The following CASP8 variants were observed in gnomAD, a reference collection of about 807,000 sequenced individuals.
CASP8 encodes caspase 8, also known as caspase-8.
Under a neutral mutation model 46.3 loss-of-function variants are expected in CASP8, and 24 were observed. The ratio of observed to expected loss-of-function variants is 0.52; its 90% CI spans 0.38 to 0.73. The LOEUF (loss-of-function observed/expected upper bound fraction) is 0.73, where lower values mean the gene tolerates loss of function less well. CASP8 is among the 30% of genes least tolerant of loss of function. The pLI is 0.00. For synonymous variants in CASP8, 188 were observed against 200.4 expected (o/e 0.94, Z 0.52); for missense variants, 460 against 559.0 (o/e 0.82, Z 1.79).
intron 2 of CASP8, among the ~76,000 whole-genome samples, chr2:201,239,366 TCCCAGACGGGGCGG>T (rs1233100185): frequency 2.0e-5 from 3 of 152,008 alleles, no homozygotes; most frequent in Non-Finnish European, 4.4e-5. Flanking sequence ...GCCCCTCATC[TCCCAGACGGGGCGG>T]CTGGCCGGGC....
chr2:201,277,554 A>G (rs746728580), intron 7 of CASP8, among the ~76,000 whole-genome samples: 1 of 152,262 alleles, frequency 6.6e-6, no homozygotes, highest in Non-Finnish European at 1.5e-5. Flanking sequence ...TGAGAGATTA[A>G]TAATTTTGAT....
chr2:201,254,444 G>A (rs1946926942), intron 2 of CASP8, among the ~76,000 whole-genome samples: 1 of 152,244 alleles, frequency 6.6e-6, no homozygotes, highest in South Asian at 2.1e-4. Flanking sequence ...CCACGCTCTG[G>A]AGGAGGAGTC....
At chr2:201,253,751 A>T (rs1946891004) in intron 2 of CASP8, among the ~76,000 whole-genome samples, 2 of 152,118 alleles carry the variant, frequency 1.3e-5, no homozygotes, top group Non-Finnish European at 2.9e-5. Context: ...TGCCTCAAGA[A>T]TATTGGGGAT....
At chr2:201,235,239 T>C (rs1213067419) in intron 2 of CASP8, among the ~76,000 whole-genome samples, 2 of 152,164 alleles carry the variant, frequency 1.3e-5, no homozygotes, top group South Asian at 2.1e-4. Flanking sequence ...ATGATATCAG[T>C]TGGTACATCT....
chr2:201,245,335 G>C (rs1267352305), intron 2 of CASP8, among the ~76,000 whole-genome samples: 1 of 151,908 alleles, frequency 6.6e-6, no homozygotes, highest in African/African-American at 2.4e-5. Flanking sequence ...CCATCTCCCA[G>C]GTTCAAGTGA....
chr2:201,256,726 A>G (rs577245415), upstream of CASP8, among the ~76,000 whole-genome samples: 247 of 152,370 alleles, frequency 1.6e-3, 1 homozygote, highest in African/African-American at 5.4e-3. Context: ...ACCCTGAATT[A>G]GAGAATTCTG....
chr2:201,278,569 C>A (rs1948797356), intron 7 of CASP8, among the ~76,000 whole-genome samples: 2 of 150,790 alleles, frequency 1.3e-5, no homozygotes, highest in Admixed American at 1.3e-4. Context: ...CAGAGTCTCA[C>A]TCTGTTGCCC....
chr2:201,256,911 C>T (rs951313041), upstream of CASP8, among the ~76,000 whole-genome samples: 36 of 152,130 alleles, frequency 2.4e-4, no homozygotes, highest in African/African-American at 6.3e-4. Context: ...TCTGCCAGGC[C>T]GAGGCGGGTG....
At chr2:201,239,268 C>G (rs56068444) in intron 2 of CASP8, among the ~76,000 whole-genome samples, 4 of 152,294 alleles carry the variant, frequency 2.6e-5, no homozygotes, top group African/African-American at 9.6e-5. Context: ...GGCCCGTTCT[C>G]AATGAGCTGC....
chr2:201,262,821 T>C (rs1200879852), intron 1 of CASP8, among the ~76,000 whole-genome samples: 1 of 152,150 alleles, frequency 6.6e-6, no homozygotes, highest in East Asian at 1.9e-4. Flanking sequence ...GGATGGCCCG[T>C]TGTTAATGGT....
At chr2:201,248,915 A>G (rs370333578) in intron 2 of CASP8, among the ~76,000 whole-genome samples, 16 of 151,922 alleles carry the variant, frequency 1.1e-4, no homozygotes, top group African/African-American at 3.6e-4. Flanking sequence ...CTTTTTTGAG[A>G]GAGTCTTACT....
At chr2:201,282,698 C>T (rs1576373605) in intron 7 of CASP8, among the ~76,000 whole-genome samples, 1 of 84,970 alleles carries the variant, frequency 1.2e-5, no homozygotes, top group Non-Finnish European at 2.9e-5. Flanking sequence ...GGGGGCTGTT[C>T]CCCCCACCTC....
At chr2:201,269,054 T>C (rs893328508) in intron 2 of CASP8, among the ~76,000 whole-genome samples, 3 of 151,698 alleles carry the variant, frequency 2.0e-5, no homozygotes, top group Non-Finnish European at 2.9e-5. Context: ...TCCTCCCACC[T>C]CAGCCTCCCA....
chr2:201,281,948 T>C, intron 7 of CASP8: 2 of 598,610 alleles, frequency 3.3e-6, no homozygotes, highest in Non-Finnish European at 4.6e-6. Context: ...TTTTTTTTTT[T>C]TTTTTTTATT....
In CASP8 at chr2:201,282,753, C is replaced by A. The variant is rs1158875545; in HGVS notation, c.803-2063C>A. Among the ~76,000 whole-genome samples, 2 of 84,840 alleles carry A rather than the reference C, an allele frequency of 2.4e-5. 1 individual carries two copies. Among genetic ancestry groups the A allele is most frequent in the East Asian group, 7.4e-4 (2 of 2,688 alleles). The allele number at this position is 84,840 out of a possible 152,430, so 55.7% of individuals were successfully genotyped here. A position where few individuals can be genotyped will look rare whatever the true frequency, so the allele number is the denominator to read the frequency against. ...GGCCGGGCAGAGGGGTCCTCACTTC[C>A]CAGTAGGGGCGGCCCGGCAGAGGCG... On this transcript the variant is annotated intron_variant, in intron 7 of 8. Transcript: ENST00000673742.
chr2:201,261,645 C>CT (rs1947419922), intron 1 of CASP8, among the ~76,000 whole-genome samples: 1 of 152,162 alleles, frequency 6.6e-6, no homozygotes. Context: ...GAATGGATGT[C>CT]TGTCAGGTTC....
chr2:201,277,987 C>T (rs1203557128), intron 7 of CASP8: 1 of 191,900 alleles, frequency 5.2e-6, no homozygotes, highest in East Asian at 1.8e-4. Context: ...AGGTGTCAGC[C>T]ACCTGTACCT....
chr2:201,247,810 A>G (rs1230343854), intron 2 of CASP8, among the ~76,000 whole-genome samples: 1 of 152,040 alleles, frequency 6.6e-6, no homozygotes, highest in African/African-American at 2.4e-5. Context: ...ACACCTGGCT[A>G]ATTTTTTGTA....
Position 201,285,198 on chromosome 2 carries a change from T to A in CASP8, c.1185T>A (p.Asp395Glu), listed in dbSNP as rs766367296. 3 of 1,614,246 alleles carry A rather than the reference T, an allele frequency of 1.9e-6. No homozygotes were observed. Residue 395 changes from aspartate (D) to glutamate (E), a missense_variant, in exon 8 of 9, where the codon GAT becomes GAA. Physicochemically the swap from Asp to Glu is conservative, Grantham distance 45. Transcript: ENST00000673742. ...LSSPQTRYIP[D>E]EADFLLGMAT... Reference sequence around the variant, plus strand: ...CACCTCAAACGAGATATATCCCGGATGAGGCTGACTTTCTGCTGGGGATGG... The same window carrying A: ...CACCTCAAACGAGATATATCCCGGAAGAGGCTGACTTTCTGCTGGGGATGG...
Sources: allele counts gnomAD v4.1 joint callset (sites outside exome capture counted in the v4.1 genomes callset), GRCh38; gene constraint gnomAD v4.1.1; transcripts MANE v1.5; gene names NCBI Gene and HGNC (gene_info 2026-07-23, HGNC 2026-07-21).